PPARGC1A: variants seen among roughly 807,000 people sequenced by gnomAD.
PPARGC1A encodes the protein PPARG coactivator 1 alpha, also known as peroxisome proliferator-activated receptor gamma coactivator 1-alpha.
PPARGC1A carries 25 observed loss-of-function variants against 88.7 expected under a neutral mutation model. The observed-to-expected ratio is 0.28, with a 90% CI of 0.21 to 0.39. The LOEUF is 0.39. Ranked by LOEUF, PPARGC1A falls within the 10% of genes least tolerant of loss-of-function variation. The probability of loss-of-function intolerance (pLI) is 1.00; values close to 1 mark genes in which losing one functional copy is unlikely to be tolerated. For missense variants in PPARGC1A, 880 were observed against 968.7 expected (o/e 0.91, Z 1.22); for synonymous variants, 363 against 355.6 (o/e 1.02, Z -0.24).
chr4:23,811,331 A>T (rs1720858280), intron 10 of PPARGC1A, among the ~76,000 whole-genome samples: 1 of 152,130 alleles, frequency 6.6e-6, no homozygotes, highest in South Asian at 2.1e-4. Context: ...TTTACAGTCA[A>T]AAATCATTTC....
At chr4:24,386,497 C>T in the PPARGC1A span, among the ~76,000 whole-genome samples, 6 of 151,980 alleles carry the variant, frequency 3.9e-5, no homozygotes, top group South Asian at 2.1e-4. Context: ...AAAACTCCAT[C>T]GTCTCAGCCC....
chr4:23,855,343 C>G (rs916731930), intron 2 of PPARGC1A, among the ~76,000 whole-genome samples: 7 of 152,134 alleles, frequency 4.6e-5, no homozygotes, highest in Admixed American at 4.6e-4. Context: ...CCACTCAAGA[C>G]TTTTAATGTT....
At chr4:24,213,683 A>G in the PPARGC1A span, among the ~76,000 whole-genome samples, 1 of 152,202 alleles carries the variant, frequency 6.6e-6, no homozygotes, top group Non-Finnish European at 1.5e-5. Flanking sequence ...GTGTGCATAC[A>G]CACGTACATG....
the PPARGC1A span, among the ~76,000 whole-genome samples, chr4:24,249,809 C>T: frequency 1.3e-5 from 2 of 152,114 alleles, no homozygotes; most frequent in African/African-American, 4.8e-5. Context: ...CCTCAATTTC[C>T]CCATTGATGA....
chr4:24,086,020 C>T, the PPARGC1A span, among the ~76,000 whole-genome samples: 1 of 152,274 alleles, frequency 6.6e-6, no homozygotes, highest in Admixed American at 6.5e-5. Flanking sequence ...TGTTTGTTAA[C>T]TATCATTGTT....
chr4:24,212,016 G>C, the PPARGC1A span, among the ~76,000 whole-genome samples: 6 of 151,732 alleles, frequency 4.0e-5, no homozygotes, highest in African/African-American at 1.5e-4. Context: ...GTCTTTCTAC[G>C]CCCTTTCTAC....
At chr4:24,246,343 T>C in the PPARGC1A span, among the ~76,000 whole-genome samples, 2 of 152,192 alleles carry the variant, frequency 1.3e-5, no homozygotes, top group Non-Finnish European at 2.9e-5. Context: ...CTTCAATAAA[T>C]GTTTGTGCCT....
At chr4:24,355,161 A>C in the PPARGC1A span, among the ~76,000 whole-genome samples, 1 of 152,168 alleles carries the variant, frequency 6.6e-6, no homozygotes, top group Non-Finnish European at 1.5e-5. Context: ...CTCAGAATTC[A>C]CGACTGATGG....
chr4:23,955,343 T>C, the PPARGC1A span, among the ~76,000 whole-genome samples: 1 of 152,056 alleles, frequency 6.6e-6, no homozygotes, highest in African/African-American at 2.4e-5. Context: ...ATTTATGCCT[T>C]GAAAGTAGAG....
chr4:23,900,296 G>T (rs1220471745), upstream of PPARGC1A, among the ~76,000 whole-genome samples: 1 of 152,108 alleles, frequency 6.6e-6, no homozygotes, highest in Non-Finnish European at 1.5e-5. Context: ...ATTATTGAAC[G>T]GTGTCATTGA....
chr4:23,948,123 G>C, the PPARGC1A span, among the ~76,000 whole-genome samples: 1 of 152,120 alleles, frequency 6.6e-6, no homozygotes, highest in Non-Finnish European at 1.5e-5. Flanking sequence ...TGGAATGACT[G>C]CTCTTCTTTT....
At chr4:24,151,361 T>C in the PPARGC1A span, among the ~76,000 whole-genome samples, 2 of 152,210 alleles carry the variant, frequency 1.3e-5, no homozygotes, top group East Asian at 1.9e-4. Flanking sequence ...TGATGTGTCA[T>C]TGAACAGTGA....
At chr4:24,049,334 GTA>G in the PPARGC1A span, among the ~76,000 whole-genome samples, 1,194 of 124,582 alleles carry the variant, frequency 9.6e-3, 36 homozygotes, top group East Asian at 0.1. Flanking sequence ...GTGTGTGTGT[GTA>G]TATATATATA....
Position 23,813,131 on chromosome 4 carries a change from C to T in PPARGC1A, c.1794-6G>A. The T allele has an allele frequency of 6.2e-7, 1 of 1,613,654 alleles. No homozygotes were observed. Among genetic ancestry groups the T allele is most frequent in the Non-Finnish European group, 8.5e-7 (1 of 1,179,684 alleles). On this transcript the variant is annotated splice_polypyrimidine_tract_variant and splice_region_variant and intron_variant, in intron 8 of 12. Transcript: ENST00000264867. ...ACTCATAGTAATAGCAGGATCTGCG[C>T]CAGAGGAGAAAAGCAAAAAGGGCAT... is the stretch of plus-strand genomic sequence containing the variant.
At chr4:24,179,746 T>C in the PPARGC1A span, among the ~76,000 whole-genome samples, 1 of 152,300 alleles carries the variant, frequency 6.6e-6, no homozygotes, top group South Asian at 2.1e-4. Context: ...GAGGTGATTT[T>C]TTACAGTGCC....
chr4:23,894,970 A>AT (rs897858714), upstream of PPARGC1A, among the ~76,000 whole-genome samples: 2 of 152,040 alleles, frequency 1.3e-5, no homozygotes, highest in Non-Finnish European at 2.9e-5. Context: ...TTATCTAGCA[A>AT]TTTTTTTAAG....
chr4:24,196,634 G>A, the PPARGC1A span, among the ~76,000 whole-genome samples: 2 of 152,212 alleles, frequency 1.3e-5, no homozygotes, highest in African/African-American at 4.8e-5. Context: ...CTCATCCTCA[G>A]AGACAAGGCC....
At chr4:23,845,884 A>T (rs1326820730) in intron 2 of PPARGC1A, among the ~76,000 whole-genome samples, 2 of 152,196 alleles carry the variant, frequency 1.3e-5, no homozygotes, top group Admixed American at 6.5e-5. Context: ...TTAATGCCAG[A>T]CTGAGTGAAC....
the PPARGC1A span, among the ~76,000 whole-genome samples, chr4:24,356,663 GCA>G: frequency 6.6e-6 from 1 of 152,274 alleles, no homozygotes; most frequent in South Asian, 2.1e-4. Flanking sequence ...CCTTTGGAAG[GCA>G]CAGTCTCCTT....
Sources: allele counts gnomAD v4.1 joint callset (sites outside exome capture counted in the v4.1 genomes callset), GRCh38; gene constraint gnomAD v4.1.1; transcripts MANE v1.5; gene names NCBI Gene and HGNC (gene_info 2026-07-23, HGNC 2026-07-21).